The following SH3RF1 variants were observed in gnomAD, a reference collection of about 807,000 sequenced individuals.
SH3RF1 encodes the protein SH3 domain containing ring finger 1.
SH3RF1 carries 32 observed loss-of-function variants against 74.0 expected under a neutral mutation model. The ratio of observed to expected loss-of-function variants is 0.43; its 90% CI spans 0.33 to 0.58. The LOEUF (loss-of-function observed/expected upper bound fraction) is 0.58, where lower values mean the gene tolerates loss of function less well. SH3RF1 is among the 20% of genes least tolerant of loss of function. The pLI, the probability that SH3RF1 is intolerant of heterozygous loss-of-function variation, is 0.05. For synonymous variants in SH3RF1, 396 were observed against 439.6 expected, an observed-to-expected ratio of 0.90 and a Z score of 1.24; for missense variants, 954 against 1,130.9, an observed-to-expected ratio of 0.84 and a Z score of 2.24.
At chr4:169,216,665 AC>A (rs1730468966) in intron 2 of SH3RF1, among the ~76,000 whole-genome samples, 1 of 152,064 alleles carries the variant, frequency 6.6e-6, no homozygotes, top group Admixed American at 6.6e-5. Context: ...ATGAAGTGAG[AC>A]CCCCATCTCA....
In SH3RF1 at chr4:169,155,575, C is replaced by A. The variant is rs766034339; in HGVS notation, c.670G>T (p.Asp224Tyr). 6.2e-7 allele frequency: 1 copy of A among 1,607,310 alleles called. No homozygotes were observed. Among genetic ancestry groups the A allele is most frequent in the Admixed American group, 1.7e-5 (1 of 59,990 alleles). Residue 224 changes from aspartate to tyrosine, a missense_variant and splice_region_variant, in exon 4 of 12, where the codon GAT becomes TAT. By Grantham distance (160) the Asp-to-Tyr change is radical (BLOSUM62 -3). Transcript: ENST00000284637. ...CTTCGGATCACAGTCAGAACATCAT[C>A]CTGAAGAAACAGCAAATCATTAATC... ...ADKDCLPFAKDDVLTVIRRVD... is the reference protein window; with the variant it reads ...ADKDCLPFAKYDVLTVIRRVD...
At chr4:169,195,526 T>A (rs1438134480) in intron 2 of SH3RF1, among the ~76,000 whole-genome samples, 1 of 152,216 alleles carries the variant, frequency 6.6e-6, no homozygotes, top group Non-Finnish European at 1.5e-5. Flanking sequence ...GTGCTCCACT[T>A]TAGTGCTCAT....
chr4:169,156,640 A>G lies in SH3RF1; in HGVS notation c.433T>C (p.Tyr145His). Residue 145 changes from tyrosine to histidine, a missense_variant, in exon 3 of 12, where the codon TAT becomes CAT. Around this residue, in one of 3 missense-constraint regions of SH3RF1, gnomAD observed 854 missense variants for 962.5 expected, o/e 0.89. Transcript: ENST00000284637. ...AGGTCTCCAGGCTCTTTTCCTTCAT[A>G]GTTGTATAATGCTTTGGCACATGGT... is the stretch of plus-strand genomic sequence containing the variant. ...QLPCAKALYN[Y>H]EGKEPGDLKF... is the part of the protein sequence containing the mutation. The G allele has an allele frequency of 2.5e-6, 4 of 1,613,810 alleles. No homozygotes were observed. The highest frequency in any genetic ancestry group is 2.5e-6 in the Non-Finnish European group (3 of 1,179,876).
chr4:169,256,309 G>C (rs1471792405), intron 2 of SH3RF1, among the ~76,000 whole-genome samples: 1 of 151,842 alleles, frequency 6.6e-6, no homozygotes, highest in African/African-American at 2.4e-5. Context: ...AAGGGAAGGA[G>C]GAAGGAAGGG....
chr4:169,119,477 C>A (rs1733402223), intron 8 of SH3RF1, among the ~76,000 whole-genome samples: 1 of 151,622 alleles, frequency 6.6e-6, no homozygotes, highest in Non-Finnish European at 1.5e-5. Context: ...AGATGTTTGA[C>A]AAAAAAATTT....
chr4:169,218,462 T>C (rs906739400), intron 2 of SH3RF1, among the ~76,000 whole-genome samples: 3 of 145,094 alleles, frequency 2.1e-5, no homozygotes, highest in African/African-American at 7.5e-5. Flanking sequence ...ATATAATATA[T>C]ATAATATAAA....
chr4:169,171,675 A>C (rs1734329501), intron 2 of SH3RF1, among the ~76,000 whole-genome samples: 1 of 152,230 alleles, frequency 6.6e-6, no homozygotes, highest in Admixed American at 6.5e-5. Flanking sequence ...CCCAAATCTC[A>C]GAAACTTTAT....
At chr4:169,161,021 T>C (rs1734141839) in intron 2 of SH3RF1, among the ~76,000 whole-genome samples, 1 of 152,210 alleles carries the variant, frequency 6.6e-6, no homozygotes, top group African/African-American at 2.4e-5. Context: ...TCTGCAGGCT[T>C]TCCAAACTGC....
intron 2 of SH3RF1, among the ~76,000 whole-genome samples, chr4:169,188,834 G>A (rs1015365147): frequency 7.2e-5 from 11 of 152,298 alleles, no homozygotes; most frequent in Admixed American, 1.3e-4. Flanking sequence ...TTTCAGCAAG[G>A]AGTGTTAAAC....
chr4:169,133,755 A>G (rs1343550992), intron 5 of SH3RF1, among the ~76,000 whole-genome samples: 1 of 152,174 alleles, frequency 6.6e-6, no homozygotes, highest in Admixed American at 6.5e-5. Flanking sequence ...AGCCTTGGTG[A>G]CAGAGTGAGA....
chr4:169,143,775 C>G (rs1733825257), intron 4 of SH3RF1, among the ~76,000 whole-genome samples: 1 of 152,208 alleles, frequency 6.6e-6, no homozygotes, highest in African/African-American at 2.4e-5. Context: ...GGTGAAACAT[C>G]AGTTACGTAG....
rs1733214711 is a variant in SH3RF1, at chr4:169,110,058, G to T, written c.2140-2853C>A. 6.4e-5 allele frequency among the ~76,000 whole-genome samples: 9 copies of T among 140,170 alleles called. No homozygotes were observed. The Admixed American group carries it at 6.5e-4, about 10-fold the overall frequency. 92.0% of individuals were successfully genotyped at this position (140,170 alleles called of 152,430 possible). A position where few individuals can be genotyped will look rare whatever the true frequency, so the allele number is the denominator to read the frequency against. On this transcript the variant is annotated intron_variant, in intron 10 of 11. Transcript: ENST00000284637. ...AAAAAAAACCACCTGGGAGGAGGAA[G>T]AAAAATCATTTGAACAAAGAAAATG...
intron 2 of SH3RF1, among the ~76,000 whole-genome samples, chr4:169,187,963 G>A (rs182650975): frequency 6.6e-6 from 1 of 152,254 alleles, no homozygotes; most frequent in East Asian, 1.9e-4. Context: ...TGAAAACACA[G>A]AGACATCAGA....
intron 2 of SH3RF1, among the ~76,000 whole-genome samples, chr4:169,173,684 T>G (rs1734368223): frequency 6.6e-6 from 1 of 152,020 alleles, no homozygotes; most frequent in Non-Finnish European, 1.5e-5. Flanking sequence ...CTTCCCTTAA[T>G]TTGAGAGGGG....
At chr4:169,206,826 G>C (rs1293166135) in intron 2 of SH3RF1, among the ~76,000 whole-genome samples, 1 of 152,184 alleles carries the variant, frequency 6.6e-6, no homozygotes, top group Admixed American at 6.5e-5. Context: ...AAAATGAATA[G>C]AGAATTATCT....
chr4:169,200,705 A>C (rs1344165429), intron 2 of SH3RF1, among the ~76,000 whole-genome samples: 1 of 152,206 alleles, frequency 6.6e-6, no homozygotes, highest in Non-Finnish European at 1.5e-5. Context: ...ACCATTTAAA[A>C]ATCTTTCTAC....
chr4:169,250,907 T>C lies in SH3RF1; in HGVS notation c.393+17913A>G, dbSNP rs542596303. On this transcript the variant is annotated intron_variant, in intron 2 of 11. Transcript: ENST00000284637. ...GAAAGGAGCAAGCCATGTTGAGACC[T>C]GGGTAAAAGCTGACCTTCCTTCCAG... 4.9e-4 allele frequency among the ~76,000 whole-genome samples: 74 copies of C among 152,234 alleles called. 1 individual carries two copies. In the South Asian group the frequency reaches 0.015, roughly 30 times the overall value.
intron 2 of SH3RF1, among the ~76,000 whole-genome samples, chr4:169,205,837 T>C (rs1730249637): frequency 1.3e-5 from 2 of 152,168 alleles, no homozygotes; most frequent in East Asian, 1.9e-4. Flanking sequence ...AAAACCCATA[T>C]CCTGACTTGA....
chr4:169,265,359 G>C (rs1159535052), intron 2 of SH3RF1, among the ~76,000 whole-genome samples: 2 of 152,272 alleles, frequency 1.3e-5, no homozygotes, highest in African/African-American at 4.8e-5. Context: ...CTATTTTTTG[G>C]ATGAATAAAT....
Sources: allele counts gnomAD v4.1 joint callset (sites outside exome capture counted in the v4.1 genomes callset), GRCh38; gene constraint gnomAD v4.1.1; regional missense constraint gnomAD v4.1.1; transcripts MANE v1.5; gene names NCBI Gene and HGNC (gene_info 2026-07-23, HGNC 2026-07-21).